Variants in CDH18 observed in about 807,000 individuals in gnomAD.
CDH18 encodes the protein cadherin-18.
A neutral mutation model predicts 67.9 loss-of-function variants in CDH18; 31 were observed. The observed-to-expected ratio is 0.46, with a 90% CI of 0.34 to 0.62. The LOEUF (loss-of-function observed/expected upper bound fraction) is 0.62. CDH18 is among the 20% of genes least tolerant of loss of function. The pLI, the probability that CDH18 is intolerant of heterozygous loss-of-function variation, is 0.01. For missense variants in CDH18, 890 were observed against 975.5 expected, an observed-to-expected ratio of 0.91 and a Z score of 1.17; for synonymous variants, 362 against 347.2, an observed-to-expected ratio of 1.04 and a Z score of -0.48.
chr5:20,162,138 A>G (rs1038978520), intron 2 of CDH18, among the ~76,000 whole-genome samples: 2 of 152,100 alleles, frequency 1.3e-5, no homozygotes, highest in Non-Finnish European at 2.9e-5. Context: ...CATAAAAAAC[A>G]AAGCTCAATT....
intron 1 of CDH18, among the ~76,000 whole-genome samples, chr5:20,503,753 T>G (rs1561072020): frequency 6.6e-6 from 1 of 152,110 alleles, no homozygotes; most frequent in Non-Finnish European, 1.5e-5. Context: ...GAGAAAGAGT[T>G]ATGGCCAGGT....
At chr5:19,633,874 C>T (rs1752745983) in intron 5 of CDH18, among the ~76,000 whole-genome samples, 1 of 152,112 alleles carries the variant, frequency 6.6e-6, no homozygotes. Context: ...TCAAGGGATC[C>T]ACCCCTCTCA....
chr5:19,650,837 C>T (rs1452595044), intron 5 of CDH18, among the ~76,000 whole-genome samples: 2 of 151,956 alleles, frequency 1.3e-5, no homozygotes, highest in Non-Finnish European at 2.9e-5. Flanking sequence ...GATGGTTTTA[C>T]ACAAACTATA....
At chr5:19,892,607 T>C (rs1018737977) in intron 2 of CDH18, among the ~76,000 whole-genome samples, 3 of 152,096 alleles carry the variant, frequency 2.0e-5, no homozygotes, top group Admixed American at 1.3e-4. Flanking sequence ...CCAATAAGAA[T>C]ATTGTAGAAA....
chr5:19,590,487 T>TAGAC (rs1434242547), intron 7 of CDH18, among the ~76,000 whole-genome samples: 1 of 149,302 alleles, frequency 6.7e-6, no homozygotes, highest in African/African-American at 2.4e-5. Context: ...GACAGATGGA[T>TAGAC]AGATAGATAG....
intron 2 of CDH18, among the ~76,000 whole-genome samples, chr5:19,896,013 T>TG (rs1053930942): frequency 9.0e-4 from 46 of 51,258 alleles, no homozygotes; most frequent in Middle Eastern, 0.013. Context: ...TCGCATTATT[T>TG]GGGGAAAAAA....
At chr5:19,994,730 TATATATATAGAGAGAGAGAGAGAG>T (rs1291861359) in intron 2 of CDH18, among the ~76,000 whole-genome samples, 29 of 16,684 alleles carry the variant, frequency 1.7e-3, no homozygotes, top group Admixed American at 5.2e-3. Flanking sequence ...TATATATATA[TATATATATAGAGAGAGAGAGAGAG>T]AGAGAGAGAG....
chr5:19,736,178 C>T (rs1039558298), intron 4 of CDH18, among the ~76,000 whole-genome samples: 2 of 152,114 alleles, frequency 1.3e-5, no homozygotes, highest in African/African-American at 4.8e-5. Context: ...TTGAACGTAA[C>T]AATTAAAATT....
intron 2 of CDH18, among the ~76,000 whole-genome samples, chr5:19,870,662 C>T (rs1476771464): frequency 6.6e-6 from 1 of 152,038 alleles, no homozygotes; most frequent in African/African-American, 2.4e-5. Context: ...CCATTAATGG[C>T]TTCTATTTTA....
intron 2 of CDH18, among the ~76,000 whole-genome samples, chr5:20,060,195 T>C (rs1441331318): frequency 6.6e-6 from 1 of 152,122 alleles, no homozygotes; most frequent in Non-Finnish European, 1.5e-5. Context: ...CGGAGCGTGG[T>C]GACTCATGCC....
At chr5:19,682,280 T>A (rs1260487836) in intron 5 of CDH18, among the ~76,000 whole-genome samples, 1 of 152,082 alleles carries the variant, frequency 6.6e-6, no homozygotes, top group African/African-American at 2.4e-5. Context: ...CTCATCAGCA[T>A]CATTTATCAT....
At chr5:19,566,501 T>C (rs4627988) in intron 8 of CDH18, among the ~76,000 whole-genome samples, 2,013 of 152,274 alleles carry the variant, frequency 0.013, 45 homozygotes, top group African/African-American at 0.046. Flanking sequence ...CTCACAATCA[T>C]GGTGGAAGGC....
At chr5:19,575,080 ATACT>A (rs896881993) in intron 7 of CDH18, among the ~76,000 whole-genome samples, 2 of 152,134 alleles carry the variant, frequency 1.3e-5, no homozygotes, top group African/African-American at 4.8e-5. Context: ...ACTGATGCTC[ATACT>A]TAATGAGTGC....
chr5:20,561,657 A>G (rs1011441510), intron 1 of CDH18, among the ~76,000 whole-genome samples: 6 of 152,036 alleles, frequency 3.9e-5, no homozygotes, highest in Non-Finnish European at 8.8e-5. Flanking sequence ...ATTCTGTATG[A>G]TTCTATAATA....
chr5:19,547,256 G>T (rs1425698049), intron 8 of CDH18, among the ~76,000 whole-genome samples: 1 of 152,086 alleles, frequency 6.6e-6, no homozygotes, highest in Non-Finnish European at 1.5e-5. Flanking sequence ...TAGGCTTTCT[G>T]GCTATTTTAT....
In CDH18 at chr5:20,487,710, G is replaced by T. The variant is rs557559352; in HGVS notation, c.-580+87752C>A. On this transcript the variant is annotated intron_variant, in intron 1 of 14. Coordinates refer to the CDH18 transcript ENST00000507958. Reference sequence around the variant, plus strand: ...TTTGAAAACATTTTCATTATTAACTGCCACAAATTTGTTAGGTAATTATGA... The same window carrying T: ...TTTGAAAACATTTTCATTATTAACTTCCACAAATTTGTTAGGTAATTATGA... Among the ~76,000 whole-genome samples, 27 of 151,308 alleles carry T rather than the reference G, an allele frequency of 1.8e-4. 3 individuals are homozygous for T. Among genetic ancestry groups the T allele is most frequent in the African/African-American group, 6.3e-4 (26 of 41,296 alleles).
intron 10 of CDH18, among the ~76,000 whole-genome samples, chr5:19,514,385 G>A (rs1037150337): frequency 2.0e-5 from 3 of 152,144 alleles, no homozygotes; most frequent in Non-Finnish European, 4.4e-5. Context: ...TGGGTCAAAT[G>A]GTATTTCTAT....
At chr5:20,409,433 G>T (rs1281162219) in intron 1 of CDH18, among the ~76,000 whole-genome samples, 1 of 151,654 alleles carries the variant, frequency 6.6e-6, no homozygotes, top group Admixed American at 6.6e-5. Context: ...GGTCAAAAAA[G>T]AGATGATAAT....
intron 5 of CDH18, among the ~76,000 whole-genome samples, chr5:19,715,313 C>G (rs992471984): frequency 6.6e-6 from 1 of 152,086 alleles, no homozygotes; most frequent in Non-Finnish European, 1.5e-5. Context: ...TTATATCCTA[C>G]GAAATTCATT....
Sources: gnomAD v4.1 joint callset for allele counts (sites outside exome capture counted in the v4.1 genomes callset) on GRCh38, gnomAD v4.1.1 for gene constraint, MANE v1.5 for transcripts, NCBI Gene and HGNC (gene_info 2026-07-23, HGNC 2026-07-21) for gene names.